Variants in SLC1A1 observed in about 807,000 individuals in gnomAD.
SLC1A1 encodes the protein excitatory amino acid transporter 3.
SLC1A1 carries 43 observed loss-of-function variants against 53.3 expected under a neutral mutation model. The ratio of observed to expected loss-of-function variants is 0.81; its 90% CI spans 0.63 to 1.04. SLC1A1 has a LOEUF of 1.04. SLC1A1 is among the 50% of genes least tolerant of loss of function. The pLI, the probability that SLC1A1 is intolerant of heterozygous loss-of-function variation, is 0.00. For missense variants in SLC1A1, 748 were observed against 664.9 expected (o/e 1.12, Z -1.37); for synonymous variants, 307 against 243.2 (o/e 1.26, Z -2.44).
chr9:4,582,452 T>C (rs890342632), intron 10 of SLC1A1, among the ~76,000 whole-genome samples: 9 of 152,120 alleles, frequency 5.9e-5, no homozygotes, highest in Admixed American at 5.9e-4. Flanking sequence ...GTCAAGAGAG[T>C]GCATAAAGCC....
In SLC1A1 at chr9:4,533,913, A is replaced by T. The variant is rs566734860; in HGVS notation, c.92-10654A>T. On this transcript the variant is annotated intron_variant, in intron 1 of 11. Coordinates refer to ENST00000262352, the MANE Select transcript of SLC1A1 (RefSeq NM_004170.6). ...ACTCAGGATTGAGAAACTCACTCAA[A>T]ACCACTCAACTACATGGAAACTGAA... 2.2e-3 allele frequency among the ~76,000 whole-genome samples: 331 copies of T among 152,322 alleles called. 1 individual carries two copies. Among genetic ancestry groups the T allele is most frequent in the African/African-American group, 7.7e-3 (319 of 41,578 alleles).
chr9:4,547,690 A>C (rs375840759), intron 2 of SLC1A1, among the ~76,000 whole-genome samples: 43 of 151,200 alleles, frequency 2.8e-4, no homozygotes, highest in Middle Eastern at 6.8e-3. Flanking sequence ...GATATGTTCA[A>C]ACTCCTAAGT....
chr9:4,544,517 A>C, intron 1 of SLC1A1, 50 bp from the exon 2 acceptor site: 1 of 1,554,806 alleles, frequency 6.4e-7, no homozygotes, highest in Non-Finnish European at 8.9e-7. Context: ...TAGATACAGG[A>C]GAACTCAATA....
At chr9:4,508,892 C>T (rs1035579044) in intron 1 of SLC1A1, among the ~76,000 whole-genome samples, 1 of 152,080 alleles carries the variant, frequency 6.6e-6, no homozygotes, top group Non-Finnish European at 1.5e-5. Context: ...CGGTGGGGTA[C>T]AGGAATGAGC....
At chr9:4,501,084 TCA>T (rs1404871819) in intron 1 of SLC1A1, among the ~76,000 whole-genome samples, 20 of 152,202 alleles carry the variant, frequency 1.3e-4, no homozygotes, top group Non-Finnish European at 1.3e-4. Context: ...TTTCTTAGTC[TCA>T]GAGTCCCTAA....
At chr9:4,495,606 G>T (rs2130790754) in intron 1 of SLC1A1, among the ~76,000 whole-genome samples, 1 of 152,200 alleles carries the variant, frequency 6.6e-6, no homozygotes, top group African/African-American at 2.4e-5. Flanking sequence ...AAGTTGCACA[G>T]GTATCTGGGG....
chr9:4,498,841 T>C (rs1349306245), intron 1 of SLC1A1, among the ~76,000 whole-genome samples: 1 of 149,504 alleles, frequency 6.7e-6, no homozygotes, highest in Non-Finnish European at 1.5e-5. Flanking sequence ...TGTATATATA[T>C]GATATTGCTT....
At chr9:4,494,673 T>A (rs1245000626) in intron 1 of SLC1A1, among the ~76,000 whole-genome samples, 2 of 151,320 alleles carry the variant, frequency 1.3e-5, no homozygotes, top group African/African-American at 4.8e-5. Context: ...TAAATATAAT[T>A]TAAGTATGTA....
At chr9:4,518,679 C>T (rs1193108993) in intron 1 of SLC1A1, among the ~76,000 whole-genome samples, 1 of 152,134 alleles carries the variant, frequency 6.6e-6, no homozygotes, top group Non-Finnish European at 1.5e-5. Context: ...CATGGAGAAG[C>T]TATCAGTCCC....
At chr9:4,508,511 G>A (rs1306152437) in intron 1 of SLC1A1, among the ~76,000 whole-genome samples, 1 of 152,168 alleles carries the variant, frequency 6.6e-6, no homozygotes, top group African/African-American at 2.4e-5. Context: ...CCATCCCCAG[G>A]AGGCATCCCC....
At chr9:4,528,726 A>C (rs185162041) in intron 1 of SLC1A1, among the ~76,000 whole-genome samples, 2 of 152,304 alleles carry the variant, frequency 1.3e-5, no homozygotes, top group Admixed American at 1.3e-4. Context: ...CCTAACCTTA[A>C]CAGTACATGC....
chr9:4,518,408 C>T (rs1184589529), intron 1 of SLC1A1, among the ~76,000 whole-genome samples: 1 of 151,522 alleles, frequency 6.6e-6, no homozygotes, highest in African/African-American at 2.4e-5. Context: ...ACTCTGTCAC[C>T]CAGGCTGGAG....
intron 1 of SLC1A1, among the ~76,000 whole-genome samples, chr9:4,499,657 A>T (rs990134509): frequency 2.0e-5 from 3 of 152,272 alleles, no homozygotes; most frequent in African/African-American, 7.2e-5. Flanking sequence ...GACTCTGCAC[A>T]TGCAGGTTGG....
intron 1 of SLC1A1, among the ~76,000 whole-genome samples, chr9:4,513,376 A>G (rs1821058179): frequency 6.6e-6 from 1 of 152,216 alleles, no homozygotes; most frequent in African/African-American, 2.4e-5. Context: ...CAAATGATCA[A>G]ACTTTAAAAA....
chr9:4,508,939 G>A (rs1820898914), intron 1 of SLC1A1, among the ~76,000 whole-genome samples: 1 of 152,166 alleles, frequency 6.6e-6, no homozygotes, highest in Admixed American at 6.6e-5. Flanking sequence ...TGAGATGAAA[G>A]GGAAGGAGAG....
chr9:4,526,685 A>G (rs1365597082), intron 1 of SLC1A1, among the ~76,000 whole-genome samples: 1 of 152,184 alleles, frequency 6.6e-6, no homozygotes, highest in Non-Finnish European at 1.5e-5. Context: ...AATAATTCAG[A>G]TTCTGTATAC....
chr9:4,573,342 C>T (rs1248624124), intron 7 of SLC1A1, among the ~76,000 whole-genome samples: 1 of 152,176 alleles, frequency 6.6e-6, no homozygotes, highest in Non-Finnish European at 1.5e-5. Context: ...TCAGCTTCAT[C>T]ATCTGTTAAA....
chr9:4,534,646 G>A (rs1425224621), intron 1 of SLC1A1, among the ~76,000 whole-genome samples: 1 of 151,926 alleles, frequency 6.6e-6, no homozygotes, highest in African/African-American at 2.4e-5. Flanking sequence ...AGGAGGTGCT[G>A]GTACCATTCC....
At chr9:4,540,151 C>G (rs1197824766) in intron 1 of SLC1A1, among the ~76,000 whole-genome samples, 2 of 152,118 alleles carry the variant, frequency 1.3e-5, no homozygotes, top group African/African-American at 4.8e-5. Flanking sequence ...TGGAGAGAAG[C>G]AGCTTGACTT....
Sources: allele counts gnomAD v4.1 joint callset (sites outside exome capture counted in the v4.1 genomes callset), GRCh38; gene constraint gnomAD v4.1.1; transcripts MANE v1.5; gene names NCBI Gene and HGNC (gene_info 2026-07-23, HGNC 2026-07-21).